The following NRG1 variants were observed in gnomAD, a reference collection of about 807,000 sequenced individuals.
NRG1 encodes neuregulin 1.
Under a neutral mutation model 63.8 loss-of-function variants are expected in NRG1, and 18 were observed. The ratio of observed to expected loss-of-function variants is 0.28; its 90% CI spans 0.19 to 0.42. The LOEUF is 0.42. NRG1 is among the 10% of genes least tolerant of loss of function. The probability of loss-of-function intolerance (pLI) is 1.00; values close to 1 mark genes in which losing one functional copy is unlikely to be tolerated. For synonymous variants in NRG1, 302 were observed against 301.3 expected (o/e 1.00, Z -0.02); for missense variants, 762 against 814.7 (o/e 0.94, Z 0.79).
chr8:32,582,539 T>G (rs1385107749), intron 1 of NRG1, among the ~76,000 whole-genome samples: 1 of 152,216 alleles, frequency 6.6e-6, no homozygotes, highest in Non-Finnish European at 1.5e-5. Context: ...CTATTCAAAG[T>G]ATGGGATACA....
At chr8:32,576,787 T>TTTTATA (rs1169935596) in intron 1 of NRG1, among the ~76,000 whole-genome samples, 1 of 151,588 alleles carries the variant, frequency 6.6e-6, no homozygotes, top group East Asian at 1.9e-4. Flanking sequence ...TCGACTTATA[T>TTTTATA]TTTATATTTA....
intron 1 of NRG1, among the ~76,000 whole-genome samples, chr8:32,483,497 CA>C (rs760029901): frequency 2.6e-5 from 4 of 152,202 alleles, no homozygotes; most frequent in Non-Finnish European, 4.4e-5. Flanking sequence ...GGACTTAGAG[CA>C]AAGTGACTAC....
chr8:32,256,941 C>A (rs1340451331), intron 1 of NRG1, among the ~76,000 whole-genome samples: 2 of 152,180 alleles, frequency 1.3e-5, no homozygotes, highest in African/African-American at 2.4e-5. Flanking sequence ...TATCTATAAA[C>A]CCCTGCCTGG....
intron 1 of NRG1, among the ~76,000 whole-genome samples, chr8:32,176,037 C>T (rs1218179402): frequency 6.6e-6 from 1 of 152,084 alleles, no homozygotes; most frequent in African/African-American, 2.4e-5. Context: ...CAATCCTAAG[C>T]CAAAAGAACA....
chr8:32,728,114 T>C (rs1385554060), intron 6 of NRG1, 36 bp downstream of exon 6: 1 of 1,610,622 alleles, frequency 6.2e-7, no homozygotes, highest in Admixed American at 1.7e-5. Context: ...CTTATGTCTA[T>C]AACTCCTTGT....
chr8:32,105,621 C>T (rs909885881), intron 1 of NRG1, among the ~76,000 whole-genome samples: 2 of 152,022 alleles, frequency 1.3e-5, no homozygotes, highest in Non-Finnish European at 2.9e-5. Flanking sequence ...AGTACTATAG[C>T]AGTTGAATAG....
intron 1 of NRG1, among the ~76,000 whole-genome samples, chr8:32,082,634 C>T (rs114222623): frequency 2.2e-3 from 340 of 152,188 alleles, no homozygotes; most frequent in African/African-American, 7.6e-3. Context: ...TATTCTTTAT[C>T]TTTTGTCAGT....
intron 1 of NRG1, among the ~76,000 whole-genome samples, chr8:32,505,786 G>A (rs1828449762): frequency 6.6e-6 from 1 of 152,212 alleles, no homozygotes. Context: ...ATAAGACAAT[G>A]AGGAAGGACA....
At chr8:32,770,792 A>G (rs979051244), downstream of NRG1, among the ~76,000 whole-genome samples, 2 of 152,168 alleles carry the variant, frequency 1.3e-5, no homozygotes, top group African/African-American at 2.4e-5. Flanking sequence ...CTGATTTACA[A>G]GACCGTGGTG....
At chr8:31,709,153 T>C (rs1442369365) in intron 1 of NRG1, among the ~76,000 whole-genome samples, 2 of 152,056 alleles carry the variant, frequency 1.3e-5, no homozygotes, top group Admixed American at 1.3e-4. Flanking sequence ...GTCCTTTTTT[T>C]TTTAGGTGAT....
At chr8:32,614,947 C>A (rs1171404861) in intron 4 of NRG1, among the ~76,000 whole-genome samples, 1 of 152,134 alleles carries the variant, frequency 6.6e-6, no homozygotes, top group African/African-American at 2.4e-5. Flanking sequence ...TTGTCAACAT[C>A]TGATCCGTGA....
chr8:32,708,833 T>G (rs1435585622), intron 5 of NRG1, among the ~76,000 whole-genome samples: 1 of 152,164 alleles, frequency 6.6e-6, no homozygotes, highest in African/African-American at 2.4e-5. Context: ...TTATCACACA[T>G]GGGTACATAT....
At chr8:32,437,867 A>C (rs1011014808) in intron 1 of NRG1, among the ~76,000 whole-genome samples, 2 of 152,198 alleles carry the variant, frequency 1.3e-5, no homozygotes, top group African/African-American at 4.8e-5. Context: ...CTCAGCAAAA[A>C]GATAGATACT....
Position 31,996,926 on chromosome 8 carries a change from G to T in NRG1, c.37+357495G>T, listed in dbSNP as rs192363419. Among the ~76,000 whole-genome samples, 323 of 152,032 alleles carry T rather than the reference G, an allele frequency of 2.1e-3. 1 individual carries two copies. Among genetic ancestry groups the T allele is most frequent in the African/African-American group, 7.3e-3 (305 of 41,510 alleles). ...CATGCCCCATCTCTACTAAGGGGGG[G>T]TGGGATTCACTGTCAAAAGAGTTCT... is the stretch of plus-strand genomic sequence containing the variant. On this transcript the variant is annotated intron_variant, in intron 1 of 10. Transcript: ENST00000519301.
At chr8:31,733,016 G>GT (rs1293174044) in intron 1 of NRG1, among the ~76,000 whole-genome samples, 4 of 152,118 alleles carry the variant, frequency 2.6e-5, no homozygotes, top group Non-Finnish European at 5.9e-5. Context: ...CTGTGTCCAT[G>GT]TGTATGCATT....
At chr8:32,545,606 C>G (rs1832993996), upstream of NRG1, among the ~76,000 whole-genome samples, 1 of 151,648 alleles carries the variant, frequency 6.6e-6, no homozygotes, top group Non-Finnish European at 1.5e-5. Flanking sequence ...AATTTAAGGA[C>G]AATATCAAAT....
intron 1 of NRG1, among the ~76,000 whole-genome samples, chr8:31,995,466 T>C (rs1367385539): frequency 1.3e-5 from 2 of 151,926 alleles, no homozygotes; most frequent in Non-Finnish European, 2.9e-5. Flanking sequence ...TTATATAAAA[T>C]AGGCTGTTTT....
At chr8:31,845,047 C>A (rs995850571) in intron 1 of NRG1, among the ~76,000 whole-genome samples, 1 of 151,948 alleles carries the variant, frequency 6.6e-6, no homozygotes, top group Non-Finnish European at 1.5e-5. Flanking sequence ...GCGGAGGTTG[C>A]AGTGAGCTGA....
chr8:32,361,322 G>A (rs903150100), intron 1 of NRG1, among the ~76,000 whole-genome samples: 13 of 151,922 alleles, frequency 8.6e-5, no homozygotes, highest in African/African-American at 2.2e-4. Flanking sequence ...GGAAGGGAGC[G>A]GGTAGAAAAG....
Sources: gnomAD v4.1 joint callset for allele counts (sites outside exome capture counted in the v4.1 genomes callset) on GRCh38, gnomAD v4.1.1 for gene constraint, MANE v1.5 for transcripts, NCBI Gene and HGNC (gene_info 2026-07-23, HGNC 2026-07-21) for gene names.